The following FSTL4 variants were observed in gnomAD, a reference collection of about 807,000 sequenced individuals.
FSTL4 encodes follistatin-related protein 4.
In FSTL4, 28 loss-of-function variants were observed where a neutral mutation model predicts 78.2. That is an observed-to-expected ratio of 0.36 (90% CI 0.27 to 0.49). The LOEUF (loss-of-function observed/expected upper bound fraction) is 0.49, where lower values mean the gene tolerates loss of function less well. Among genes scored for constraint, FSTL4 ranks in the 20% least tolerant of loss-of-function variants. FSTL4 has a pLI of 0.98. For synonymous variants in FSTL4, 422 were observed against 440.5 expected (o/e 0.96, Z 0.53); for missense variants, 922 against 1,084.9 (o/e 0.85, Z 2.11).
intron 3 of FSTL4, among the ~76,000 whole-genome samples, chr5:133,502,591 A>C (rs944372517): frequency 1.3e-5 from 2 of 152,130 alleles, no homozygotes; most frequent in African/African-American, 4.8e-5. Context: ...AGTGCTGTTC[A>C]TGTGAAATGA....
chr5:133,210,922 C>T (rs4958102), intron 13 of FSTL4: 39,644 of 152,116 alleles, frequency 0.26, 5,903 homozygotes, highest in East Asian at 0.42. Flanking sequence ...TCCAGGGTTC[C>T]TTCGTTCTTC....
chr5:133,499,808 C>A (rs1487884740), intron 3 of FSTL4, among the ~76,000 whole-genome samples: 1 of 152,140 alleles, frequency 6.6e-6, no homozygotes, highest in South Asian at 2.1e-4. Flanking sequence ...CGACAGTACA[C>A]ATTTTAGCTT....
At chr5:133,423,000 G>A (rs1756732971) in intron 3 of FSTL4, among the ~76,000 whole-genome samples, 1 of 152,240 alleles carries the variant, frequency 6.6e-6, no homozygotes, top group South Asian at 2.1e-4. Flanking sequence ...GAGAGAATGA[G>A]GCTAAATGAA....
intron 3 of FSTL4, among the ~76,000 whole-genome samples, chr5:133,403,985 C>G (rs979767342): frequency 6.6e-6 from 1 of 152,224 alleles, no homozygotes; most frequent in South Asian, 2.1e-4. Context: ...AGGCTGCACT[C>G]TGAGGGGTCA....
At chr5:133,537,783 C>CATAT (rs1554069392) in intron 3 of FSTL4, among the ~76,000 whole-genome samples, 70 of 149,236 alleles carry the variant, frequency 4.7e-4, no homozygotes, top group African/African-American at 1.5e-3. Flanking sequence ...TTCTCTCTCA[C>CATAT]ATATATATAT....
chr5:133,565,049 A>G lies in FSTL4; in HGVS notation c.160+2137T>C, dbSNP rs375057645. Among the ~76,000 whole-genome samples, 4 of 152,174 alleles carry G rather than the reference A, an allele frequency of 2.6e-5. No homozygotes were observed. The South Asian group carries it at 8.3e-4, about 32-fold the overall frequency. ...TGAAATAAGGCAAACCAAAACAGGA[A>G]ACCTCCTCAGGTTCTGTGACTGGAA... On this transcript the variant is annotated intron_variant, in intron 3 of 15. Coordinates refer to ENST00000265342, the MANE Select transcript of FSTL4 (RefSeq NM_015082.2).
At chr5:133,728,831 G>C in the FSTL4 span, among the ~76,000 whole-genome samples, 1 of 151,906 alleles carries the variant, frequency 6.6e-6, no homozygotes, top group Non-Finnish European at 1.5e-5. Context: ...GGAAGGGAGG[G>C]TGGGGGAAAA....
intron 4 of FSTL4, among the ~76,000 whole-genome samples, chr5:133,332,593 C>CGTGTCACA (rs1242411289): frequency 6.6e-6 from 1 of 152,228 alleles, no homozygotes; most frequent in Admixed American, 6.5e-5. Flanking sequence ...GTGCAGATCA[C>CGTGTCACA]GTGTCACAGA....
chr5:133,258,096 CT>C (rs1034534101), intron 6 of FSTL4, among the ~76,000 whole-genome samples: 4 of 152,296 alleles, frequency 2.6e-5, no homozygotes, highest in African/African-American at 9.6e-5. Context: ...GCCAGCTCAT[CT>C]TCCAATTCCT....
In FSTL4 at chr5:133,338,217, C is replaced by T. The variant is rs1561678131; in HGVS notation, c.410-21565G>A. ...CACTCACTGGCCCTGGCCCTGATGA[C>T]CCCCCGGGTGTGTGCCCCTATTCCT... On this transcript the variant is annotated intron_variant, in intron 4 of 15. Transcript: ENST00000265342. The surrounding 1 kb of genome is among the most constrained non-coding windows in gnomAD (Gnocchi z 4.0). Among the ~76,000 whole-genome samples the T allele has an allele frequency of 6.6e-6, 1 of 152,122 alleles. No homozygotes were observed. The highest frequency in any genetic ancestry group is 6.5e-5 in the Admixed American group (1 of 15,274).
intron 3 of FSTL4, among the ~76,000 whole-genome samples, chr5:133,492,678 A>G (rs1758290232): frequency 6.6e-6 from 1 of 152,076 alleles, no homozygotes; most frequent in Non-Finnish European, 1.5e-5. Flanking sequence ...ACTGTTCATG[A>G]TTTGGAGTGC....
At chr5:133,542,121 A>G (rs777377706) in intron 3 of FSTL4, among the ~76,000 whole-genome samples, 3 of 152,200 alleles carry the variant, frequency 2.0e-5, no homozygotes, top group Non-Finnish European at 4.4e-5. Flanking sequence ...TTTAAAAAAA[A>G]TGGTGTTTGA....
At chr5:133,563,736 C>CA (rs1285539537) in intron 3 of FSTL4, among the ~76,000 whole-genome samples, 2 of 152,154 alleles carry the variant, frequency 1.3e-5, no homozygotes, top group Admixed American at 6.5e-5. Flanking sequence ...TTAAAAACAA[C>CA]ACAATTAATT....
rs116652110 is a variant in FSTL4 at position 133,589,791 on chromosome 5, G to T, written c.126+14067C>A. 7.9e-3 allele frequency among the ~76,000 whole-genome samples: 1,198 copies of T among 152,194 alleles called. 17 individuals are homozygous for T. The highest frequency in any genetic ancestry group is 0.028 in the African/African-American group (1,143 of 41,520). Reference sequence around the variant, plus strand: ...CTAGATTCAAAAATATGTCCTTGGGGATAAGAGCACAATACTGTGGTTAGG... The same window carrying T: ...CTAGATTCAAAAATATGTCCTTGGGTATAAGAGCACAATACTGTGGTTAGG... On this transcript the variant is annotated intron_variant, in intron 2 of 15. Transcript: ENST00000265342.
rs958849330 is a variant in FSTL4 at position 133,198,410 on chromosome 5, T to C, written c.*685A>G. On this transcript the variant is annotated 3_prime_UTR_variant, in exon 16 of 16. Coordinates refer to ENST00000265342, the MANE Select transcript of FSTL4 (RefSeq NM_015082.2). ...TTGTGACCACCCCCGAGACTCGGCC[T>C]AAGGCAGGGAAGGATATAGTTGGAC... 1 of 152,402 alleles carries C rather than the reference T, an allele frequency of 6.6e-6. No homozygotes were observed. The highest frequency in any genetic ancestry group is 2.4e-5 in the African/African-American group (1 of 41,408). 9.4% of individuals were successfully genotyped at this position (152,402 alleles called of 1,614,324 possible). A position where few individuals can be genotyped will look rare whatever the true frequency, so the allele number is the denominator to read the frequency against.
At chr5:133,370,666 G>T (rs943221915) in intron 4 of FSTL4, among the ~76,000 whole-genome samples, 1 of 151,992 alleles carries the variant, frequency 6.6e-6, no homozygotes, top group Admixed American at 6.6e-5. Context: ...CTCCTGTCCC[G>T]CCAGCTGGAG....
intron 11 of FSTL4, 104 bp downstream of exon 11, chr5:133,224,086 C>G (rs891256942): frequency 5.4e-5 from 45 of 836,748 alleles, no homozygotes; most frequent in Non-Finnish European, 8.7e-5. Flanking sequence ...TCCCATAGGG[C>G]TGCTTTGTGT....
the FSTL4 span, among the ~76,000 whole-genome samples, chr5:133,696,197 C>A: frequency 6.6e-6 from 1 of 152,286 alleles, no homozygotes; most frequent in Admixed American, 6.5e-5. Flanking sequence ...ACGCTCCTGA[C>A]TTCCATATTG....
chr5:133,835,204 G>A, the FSTL4 span, among the ~76,000 whole-genome samples: 8 of 152,244 alleles, frequency 5.3e-5, no homozygotes, highest in African/African-American at 7.2e-5. Context: ...AGAGGCAGGC[G>A]GGAACATTGG....
Sources: gnomAD v4.1 joint callset for allele counts (sites outside exome capture counted in the v4.1 genomes callset) on GRCh38, gnomAD v4.1.1 for gene constraint, Gnocchi (gnomAD v3.1) non-coding constraint, MANE v1.5 for transcripts, NCBI Gene and HGNC (gene_info 2026-07-23, HGNC 2026-07-21) for gene names.